The following PTCD2 variants were observed in gnomAD, a reference collection of about 807,000 sequenced individuals.
The protein encoded by PTCD2 is pentatricopeptide repeat-containing protein 2, mitochondrial.
PTCD2 carries 31 observed loss-of-function variants against 42.6 expected under a neutral mutation model. The observed-to-expected ratio is 0.73, with a 90% confidence interval of 0.55 to 0.98. The LOEUF (loss-of-function observed/expected upper bound fraction) is 0.98, where lower values mean the gene tolerates loss of function less well. Among genes scored for constraint, PTCD2 ranks in the 50% least tolerant of loss-of-function variants. PTCD2 has a pLI of 0.00. For synonymous variants in PTCD2, 183 were observed against 170.9 expected (o/e 1.07, Z -0.55); for missense variants, 476 against 454.8 (o/e 1.05, Z -0.42).
chr5:72,341,903 G>C (rs1394706330), intron 7 of PTCD2, among the ~76,000 whole-genome samples: 1 of 151,702 alleles, frequency 6.6e-6, no homozygotes, highest in African/African-American at 2.4e-5. Context: ...AAATTATCCA[G>C]GCATGGTGGC....
intron 8 of PTCD2, among the ~76,000 whole-genome samples, chr5:72,348,042 T>C (rs868206912): frequency 1.3e-5 from 2 of 152,350 alleles, no homozygotes; most frequent in Middle Eastern, 6.8e-3. Flanking sequence ...TTTCAGTGTT[T>C]AAAAATTCTC....
chr5:72,350,315 C>G (rs1258258931), intron 8 of PTCD2, among the ~76,000 whole-genome samples: 1 of 152,122 alleles, frequency 6.6e-6, no homozygotes, highest in East Asian at 1.9e-4. Flanking sequence ...GTAGCAGTAG[C>G]CAGAATATTA....
At chr5:72,341,478 C>T (rs918191794) in intron 7 of PTCD2, among the ~76,000 whole-genome samples, 2 of 151,902 alleles carry the variant, frequency 1.3e-5, no homozygotes, top group African/African-American at 4.8e-5. Context: ...GTGGCTCCTG[C>T]GTGTAATCCC....
intron 3 of PTCD2, among the ~76,000 whole-genome samples, chr5:72,326,994 CTA>C (rs1176824243): frequency 6.6e-6 from 1 of 152,218 alleles, no homozygotes; most frequent in African/African-American, 2.4e-5. Context: ...AGTTACCAGC[CTA>C]TCACTGACAT....
At chr5:72,350,717 A>G (rs73102449) in intron 8 of PTCD2, among the ~76,000 whole-genome samples, 1,667 of 152,326 alleles carry the variant, frequency 0.011, 26 homozygotes, top group African/African-American at 0.038. Flanking sequence ...CTTCCGAACC[A>G]AAGACAACCC....
rs1193147976 is a variant in PTCD2 at position 72,346,545 on chromosome 5, A to G, written c.828+3509A>G. On this transcript the variant is annotated intron_variant, in intron 8 of 9. Transcript: ENST00000380639. ...AGGTCTGAGCAGGTGGGTCAGCCTG[A>G]AAAGCTCACACGCTAAAGCAGGTCT... Among the ~76,000 whole-genome samples, 3 of 152,196 alleles carry G rather than the reference A, an allele frequency of 2.0e-5. No homozygotes were observed. The East Asian group carries it at 5.8e-4, about 29-fold the overall frequency.
rs147527589 is a variant in PTCD2, at chr5:72,332,614, AT to A, written c.468+1240del. Among the ~76,000 whole-genome samples, 1,452 of 152,370 alleles carry A rather than the reference AT, an allele frequency of 9.5e-3. 36 individuals are homozygous for A. Among genetic ancestry groups the A allele is most frequent in the African/African-American group, 0.032 (1,325 of 41,584 alleles). On this transcript the variant is annotated intron_variant, in intron 4 of 9. Coordinates refer to ENST00000380639, the MANE Select transcript of PTCD2 (RefSeq NM_024754.5). ...ATAAATCATAGCCATGAGTATGGTG[AT>A]AAAAACAAAAATAAAAAAGATGAAA...
rs1434300296 is a variant in PTCD2 at position 72,335,321 on chromosome 5, C to T, written c.547+225C>T. On this transcript the variant is annotated intron_variant, in intron 5 of 9. Transcript: ENST00000380639. Reference sequence around the variant, plus strand: ...AAAATTAGCCGGGCGCGGTGGCGGGCGCCTGTAGTCCCAGCTACTCGGGAG... The same window carrying T: ...AAAATTAGCCGGGCGCGGTGGCGGGTGCCTGTAGTCCCAGCTACTCGGGAG... Among the ~76,000 whole-genome samples the T allele has an allele frequency of 4.0e-5, 6 of 151,828 alleles. No homozygotes were observed. In the East Asian group the frequency reaches 9.7e-4, roughly 24 times the overall value.
chr5:72,322,478 C>T (rs560515906), intron 2 of PTCD2, among the ~76,000 whole-genome samples: 7 of 152,184 alleles, frequency 4.6e-5, no homozygotes, highest in Non-Finnish European at 4.4e-5. Context: ...CCTTCTCTTA[C>T]GATCCCAGAG....
rs1318033764 is a variant in PTCD2, at chr5:72,338,703, TC to T, written c.723del (p.Cys242ValfsTer6). On this transcript the variant is annotated frameshift_variant, in exon 7 of 10. Coordinates refer to ENST00000380639, the MANE Select transcript of PTCD2 (RefSeq NM_024754.5). LOFTEE classifies it high-confidence loss of function. The stretch of plus-strand genomic sequence containing the variant: ...AGGAGAAATTCTCTCCAGGAGAGCA[TC>T]CTGTTTCGCTGTGGCATTAGCTCTG... ...LKGEILSRRA[S>X]CFAVALALNQ... 1 of 1,612,066 alleles carries T rather than the reference TC, an allele frequency of 6.2e-7. No individual in the cohort carries two copies. The highest frequency in any genetic ancestry group is 8.5e-7 in the Non-Finnish European group (1 of 1,178,242).
At chr5:72,350,155 A>C (rs981974548) in intron 8 of PTCD2, among the ~76,000 whole-genome samples, 1 of 152,212 alleles carries the variant, frequency 6.6e-6, no homozygotes, top group Non-Finnish European at 1.5e-5. Flanking sequence ...CCATCAACCA[A>C]ACTGGGATGG....
rs757936966 is a variant in PTCD2, at chr5:72,336,444, C to CCCA, written c.639+565_639+567dup. On this transcript the variant is annotated intron_variant, in intron 6 of 9. Coordinates refer to ENST00000380639, the MANE Select transcript of PTCD2 (RefSeq NM_024754.5). ...TGAGCTCCTTGAGGTTTCTTTGTAT[C>CCCA]CCACCACCTAACACAGTGCCTGGTA... Among the ~76,000 whole-genome samples the CCCA allele has an allele frequency of 2.1e-3, 321 of 152,262 alleles. 1 individual carries two copies. Among genetic ancestry groups the CCCA allele is most frequent in the Non-Finnish European group, 2.8e-3 (192 of 68,010 alleles).
rs1753015891 is a variant in PTCD2 at position 72,358,844 on chromosome 5, A to T, written c.*417A>T. On this transcript the variant is annotated 3_prime_UTR_variant, in exon 10 of 10. Transcript: ENST00000380639. ...AGGAGGTATGAAACCCTATTTTACCATGTTAGAAAACAGCCCAGGATTTTC... is the reference window on the plus strand; with the variant it reads ...AGGAGGTATGAAACCCTATTTTACCTTGTTAGAAAACAGCCCAGGATTTTC... 1 of 195,486 alleles carries T rather than the reference A, an allele frequency of 5.1e-6. No homozygotes were observed. The highest frequency in any genetic ancestry group is 2.3e-5 in the African/African-American group (1 of 42,836). 12.1% of individuals were successfully genotyped at this position (195,486 alleles called of 1,614,324 possible). A position where few individuals can be genotyped will look rare whatever the true frequency, so the allele number is the denominator to read the frequency against.
In PTCD2 at chr5:72,363,929, CATAG is replaced by C. The variant is rs1330677475; in HGVS notation, c.*5506_*5509del. The C allele has an allele frequency of 5.3e-5, 8 of 152,110 alleles. No individual in the cohort carries two copies. Among genetic ancestry groups the C allele is most frequent in the Non-Finnish European group, 7.4e-5 (5 of 68,026 alleles). The allele number at this position is 152,110 out of a possible 1,614,324, so 9.4% of individuals were successfully genotyped here. On this transcript the variant is annotated 3_prime_UTR_variant, in exon 10 of 10. Transcript: ENST00000380639. Reference sequence around the variant, plus strand: ...AATTTGATTCAGAGAAATTACACTTCATAGATAAACTAGCCATAAAAAAGATTAC... The same window carrying C: ...AATTTGATTCAGAGAAATTACACTTCATAAACTAGCCATAAAAAAGATTAC...
intron 2 of PTCD2, 120 bp downstream of exon 2, chr5:72,322,384 T>C (rs1262703984): frequency 2.9e-6 from 2 of 678,964 alleles, no homozygotes; most frequent in Admixed American, 5.0e-5. Flanking sequence ...TTGAGACCAT[T>C]TATTGTTAGT....
Position 72,358,680 on chromosome 5 carries a change from A to G in PTCD2, c.*253A>G. The G allele has an allele frequency of 1.9e-6, 1 of 516,374 alleles. No individual in the cohort carries two copies. Among genetic ancestry groups the G allele is most frequent in the Non-Finnish European group, 3.5e-6 (1 of 286,296 alleles). The allele number at this position is 516,374 out of a possible 1,614,324, so 32.0% of individuals were successfully genotyped here. On this transcript the variant is annotated 3_prime_UTR_variant, in exon 10 of 10. Coordinates refer to ENST00000380639, the MANE Select transcript of PTCD2 (RefSeq NM_024754.5). ...TGCATGGCTGAGGATCCTTGAAGGA[A>G]CCTGGTCAGTCTCCGGTTCAGCTTC...
chr5:72,355,946 G>A (rs1752855873), intron 9 of PTCD2, among the ~76,000 whole-genome samples: 1 of 152,130 alleles, frequency 6.6e-6, no homozygotes, highest in African/African-American at 2.4e-5. Context: ...CCACACTGTC[G>A]CCTTCCCAGC....
intron 8 of PTCD2, among the ~76,000 whole-genome samples, chr5:72,343,694 A>G (rs1338003342): frequency 6.6e-6 from 1 of 152,156 alleles, no homozygotes; most frequent in Non-Finnish European, 1.5e-5. Context: ...AAGCATAGGA[A>G]AAAAAATTAT....
In PTCD2 at chr5:72,363,952, A is replaced by G. The variant is rs552769067; in HGVS notation, c.*5525A>G. The G allele has an allele frequency of 9.9e-4, 151 of 152,358 alleles. No individual in the cohort carries two copies. The highest frequency in any genetic ancestry group is 3.6e-3 in the African/African-American group (148 of 41,588). 9.4% of individuals were successfully genotyped at this position (152,358 alleles called of 1,614,324 possible). A position where few individuals can be genotyped will look rare whatever the true frequency, so the allele number is the denominator to read the frequency against. On this transcript the variant is annotated 3_prime_UTR_variant, in exon 10 of 10. Coordinates refer to ENST00000380639, the MANE Select transcript of PTCD2 (RefSeq NM_024754.5). Reference sequence around the variant, plus strand: ...TTCATAGATAAACTAGCCATAAAAAAGATTACAGCGGCAAAAGCTATCATC... The same window carrying G: ...TTCATAGATAAACTAGCCATAAAAAGGATTACAGCGGCAAAAGCTATCATC...
Sources: gnomAD v4.1 joint callset for allele counts (sites outside exome capture counted in the v4.1 genomes callset) on GRCh38, gnomAD v4.1.1 for gene constraint, MANE v1.5 for transcripts, NCBI Gene and HGNC (gene_info 2026-07-23, HGNC 2026-07-21) for gene names.